Variants in FGF12 observed in about 807,000 individuals in gnomAD.
The protein encoded by FGF12 is fibroblast growth factor 12, also known as fibroblast growth factor 12B.
In FGF12, 14 loss-of-function variants were observed where a neutral mutation model predicts 23.6. The observed-to-expected ratio is 0.59, with a 90% CI of 0.39 to 0.93. The LOEUF (loss-of-function observed/expected upper bound fraction) is 0.93, where lower values mean the gene tolerates loss of function less well. FGF12 is among the 40% of genes least tolerant of loss of function. The probability of loss-of-function intolerance (pLI) is 0.00; values close to 1 mark genes in which losing one functional copy is unlikely to be tolerated. For missense variants in FGF12, 175 were observed against 217.8 expected (o/e 0.80, Z 1.24); for synonymous variants, 62 against 77.3 (o/e 0.80, Z 1.04).
chr3:192,179,429 G>A (rs975121), intron 4 of FGF12, among the ~76,000 whole-genome samples: 96,707 of 151,954 alleles, frequency 0.64, 33,681 homozygotes, highest in East Asian at 0.95. Context: ...GGAGGTAGAT[G>A]GACACAACTA....
intron 2 of FGF12, among the ~76,000 whole-genome samples, chr3:192,532,551 G>T (rs926198522): frequency 1.3e-5 from 2 of 151,920 alleles, no homozygotes; most frequent in Admixed American, 6.6e-5. Flanking sequence ...TCTCAACTTT[G>T]TCGTTGTTGG....
intron 2 of FGF12, among the ~76,000 whole-genome samples, chr3:192,536,708 A>G (rs1264125399): frequency 1.3e-5 from 2 of 152,064 alleles, no homozygotes; most frequent in Admixed American, 1.3e-4. Context: ...TATGGGGTAC[A>G]TAAGATATTT....
intron 4 of FGF12, among the ~76,000 whole-genome samples, chr3:192,234,327 T>C (rs550434297): frequency 6.6e-6 from 1 of 152,164 alleles, no homozygotes; most frequent in Non-Finnish European, 1.5e-5. Flanking sequence ...GTGAATGGGA[T>C]CAAATTCTTG....
intron 4 of FGF12, among the ~76,000 whole-genome samples, chr3:192,234,957 A>C (rs1368823079): frequency 6.6e-6 from 1 of 152,020 alleles, no homozygotes; most frequent in African/African-American, 2.4e-5. Flanking sequence ...ATTTTGTTGA[A>C]GATTTTTATA....
rs192110776 is a variant in FGF12 at position 192,170,345 on chromosome 3, T to C, written c.427+113A>G. 511 of 777,218 alleles carry C rather than the reference T, an allele frequency of 6.6e-4. 1 individual carries two copies. The African/African-American group carries it at 8.2e-3, about 12-fold the overall frequency. 48.1% of individuals were successfully genotyped at this position (777,218 alleles called of 1,614,324 possible). Reference sequence around the variant, plus strand: ...TTCTCTGAATATTTCTTTTGAATCTTTCTTCTGATCTGTTGCATTCCAGGC... The same window carrying C: ...TTCTCTGAATATTTCTTTTGAATCTCTCTTCTGATCTGTTGCATTCCAGGC... On this transcript the variant is annotated intron_variant, in intron 5 of 5. Coordinates refer to ENST00000445105, the MANE Select transcript of FGF12 (RefSeq NM_004113.6).
chr3:192,285,311 A>G (rs1714388247), intron 4 of FGF12, among the ~76,000 whole-genome samples: 1 of 152,068 alleles, frequency 6.6e-6, no homozygotes, highest in African/African-American at 2.4e-5. Flanking sequence ...CTAATTGGCC[A>G]AGCCAGTACT....
intron 2 of FGF12, among the ~76,000 whole-genome samples, chr3:192,577,350 C>A (rs965280279): frequency 3.9e-5 from 6 of 152,152 alleles, no homozygotes; most frequent in African/African-American, 1.4e-4. Flanking sequence ...GAAATAGAAT[C>A]TTTTTTTAAA....
intron 4 of FGF12, among the ~76,000 whole-genome samples, chr3:192,305,679 A>AAAATATATATATATATATATATAT (rs1423738741): frequency 7.6e-6 from 1 of 131,936 alleles, no homozygotes; most frequent in Non-Finnish European, 1.6e-5. Flanking sequence ...AAAAAAAAAA[A>AAAATATATATATATATATATATAT]ATATATATAT....
chr3:192,603,026 G>T (rs1004733105), intron 2 of FGF12, among the ~76,000 whole-genome samples: 1 of 152,066 alleles, frequency 6.6e-6, no homozygotes, highest in East Asian at 1.9e-4. Context: ...GGCATCAAAG[G>T]AACATATCTC....
At chr3:192,472,874 T>C (rs1260189110) in intron 2 of FGF12, among the ~76,000 whole-genome samples, 1 of 152,220 alleles carries the variant, frequency 6.6e-6, no homozygotes, top group East Asian at 1.9e-4. Flanking sequence ...TTACTTGGTA[T>C]TGAGAAGTAC....
At chr3:192,497,465 A>G (rs763489487) in intron 2 of FGF12, among the ~76,000 whole-genome samples, 7 of 152,246 alleles carry the variant, frequency 4.6e-5, no homozygotes, top group Non-Finnish European at 7.3e-5. Flanking sequence ...TTATAAATGT[A>G]AATGGCTCAT....
chr3:192,344,268 A>G (rs1358788066), intron 3 of FGF12, among the ~76,000 whole-genome samples: 2 of 152,132 alleles, frequency 1.3e-5, no homozygotes, highest in East Asian at 1.9e-4. Context: ...TGTTGTTTTC[A>G]TATCTCCACA....
At chr3:192,629,542 T>G (rs990747820) in intron 2 of FGF12, among the ~76,000 whole-genome samples, 1 of 152,228 alleles carries the variant, frequency 6.6e-6, no homozygotes, top group Non-Finnish European at 1.5e-5. Flanking sequence ...ATTGGACTTT[T>G]GATTGTTTGT....
chr3:192,498,501 C>A (rs773044927), intron 2 of FGF12, among the ~76,000 whole-genome samples: 46 of 152,164 alleles, frequency 3.0e-4, no homozygotes, highest in Non-Finnish European at 6.5e-4. Flanking sequence ...GGAATTAAAC[C>A]CTGATTGGGT....
intron 2 of FGF12, among the ~76,000 whole-genome samples, chr3:192,461,294 A>G (rs1207589989): frequency 6.6e-6 from 1 of 152,214 alleles, no homozygotes; most frequent in Non-Finnish European, 1.5e-5. Flanking sequence ...TGAGATCATC[A>G]AAAAGAAAGT....
intron 2 of FGF12, among the ~76,000 whole-genome samples, chr3:192,585,668 T>TGAC (rs1474605144): frequency 2.6e-5 from 4 of 152,128 alleles, no homozygotes; most frequent in Admixed American, 6.6e-5. Flanking sequence ...TGCTCAGCCT[T>TGAC]ATCTTGCCAT....
At chr3:192,535,342 C>T (rs1725199928) in intron 2 of FGF12, among the ~76,000 whole-genome samples, 1 of 152,120 alleles carries the variant, frequency 6.6e-6, no homozygotes, top group South Asian at 2.1e-4. Flanking sequence ...ATTAAAACTC[C>T]CTTCTTAGGA....
intron 4 of FGF12, among the ~76,000 whole-genome samples, chr3:192,229,264 AGC>A (rs1718899972): frequency 6.6e-6 from 1 of 152,066 alleles, no homozygotes; most frequent in Admixed American, 6.6e-5. Flanking sequence ...CATTTTACCA[AGC>A]CATACTGGTA....
intron 2 of FGF12, among the ~76,000 whole-genome samples, chr3:192,690,491 C>T (rs1338103753): frequency 6.8e-6 from 1 of 147,922 alleles, no homozygotes; most frequent in Non-Finnish European, 1.5e-5. Flanking sequence ...ACAGGTATAA[C>T]TATAAAATGT....
Sources: gnomAD v4.1 joint callset for allele counts (sites outside exome capture counted in the v4.1 genomes callset) on GRCh38, gnomAD v4.1.1 for gene constraint, MANE v1.5 for transcripts, NCBI Gene and HGNC (gene_info 2026-07-23, HGNC 2026-07-21) for gene names.